ALCAM: variants seen among roughly 807,000 people sequenced by gnomAD.
ALCAM encodes the protein activated leukocyte cell adhesion molecule.
ALCAM carries 30 observed loss-of-function variants against 70.9 expected under a neutral mutation model. That is an observed-to-expected ratio of 0.42 (90% CI 0.32 to 0.57). The LOEUF is 0.57. Among genes scored for constraint, ALCAM ranks in the 20% least tolerant of loss-of-function variants. The probability of loss-of-function intolerance (pLI) is 0.11; values close to 1 mark genes in which losing one functional copy is unlikely to be tolerated. For synonymous variants in ALCAM, 249 were observed against 242.5 expected (o/e 1.03, Z -0.25); for missense variants, 591 against 695.1 (o/e 0.85, Z 1.68).
At chr3:105,395,464 C>T (rs973547358) in intron 1 of ALCAM, among the ~76,000 whole-genome samples, 15 of 151,942 alleles carry the variant, frequency 9.9e-5, no homozygotes, top group African/African-American at 3.6e-4. Context: ...TATGTATACT[C>T]ATGTGACATA....
chr3:105,415,888 G>T (rs1320861557), intron 1 of ALCAM, among the ~76,000 whole-genome samples: 1 of 151,980 alleles, frequency 6.6e-6, no homozygotes, highest in African/African-American at 2.4e-5. Flanking sequence ...AAAATATTTT[G>T]GGGCCTAAAG....
chr3:105,383,248 C>G (rs1030074833), intron 1 of ALCAM, among the ~76,000 whole-genome samples: 1 of 151,764 alleles, frequency 6.6e-6, no homozygotes, highest in African/African-American at 2.4e-5. Context: ...TCATTCTTCT[C>G]TCTCTCCCTT....
intron 1 of ALCAM, among the ~76,000 whole-genome samples, chr3:105,408,714 C>G (rs139125309): frequency 1.3e-5 from 2 of 152,130 alleles, no homozygotes; most frequent in African/African-American, 2.4e-5. Flanking sequence ...CTTAATTAAA[C>G]TAAAAAGCTT....
intron 1 of ALCAM, among the ~76,000 whole-genome samples, chr3:105,383,627 A>G (rs938710459): frequency 6.6e-6 from 1 of 151,714 alleles, no homozygotes; most frequent in Non-Finnish European, 1.5e-5. Flanking sequence ...TATTCTACCC[A>G]TGCTATGCAA....
intron 14 of ALCAM, among the ~76,000 whole-genome samples, chr3:105,555,958 G>A (rs959127330): frequency 1.3e-5 from 2 of 151,868 alleles, no homozygotes; most frequent in African/African-American, 4.8e-5. Context: ...TGTATGTAGG[G>A]TATTAACTAT....
chr3:105,512,879 C>T (rs879525912), intron 1 of ALCAM, among the ~76,000 whole-genome samples: 8 of 151,722 alleles, frequency 5.3e-5, no homozygotes, highest in East Asian at 1.9e-4. Context: ...AGTCAACTTT[C>T]GGAACTTCAG....
At chr3:105,502,080 A>G (rs1002904734) in intron 1 of ALCAM, among the ~76,000 whole-genome samples, 1 of 152,228 alleles carries the variant, frequency 6.6e-6, no homozygotes, top group Non-Finnish European at 1.5e-5. Context: ...TTGCCAGTCC[A>G]GGCATAAAAG....
At chr3:105,547,636 T>A in intron 11 of ALCAM, 113 bp downstream of exon 11, 1 of 1,376,308 alleles carries the variant, frequency 7.3e-7, no homozygotes, top group Non-Finnish European at 9.8e-7. Flanking sequence ...AGTGTGTAGG[T>A]TGGTTTGTTA....
chr3:105,386,550 G>A (rs1935660939), intron 1 of ALCAM, among the ~76,000 whole-genome samples: 1 of 151,278 alleles, frequency 6.6e-6, no homozygotes, highest in South Asian at 2.1e-4. Flanking sequence ...TGGGTCCCTA[G>A]CATTAGACCC....
At chr3:105,536,155 G>A (rs564064328) in intron 6 of ALCAM, among the ~76,000 whole-genome samples, 24 of 150,858 alleles carry the variant, frequency 1.6e-4, no homozygotes, top group African/African-American at 5.4e-4. Flanking sequence ...GTGCAGTGGC[G>A]TAATCTCAGC....
At chr3:105,512,907 T>C (rs1939275387) in intron 1 of ALCAM, among the ~76,000 whole-genome samples, 1 of 151,792 alleles carries the variant, frequency 6.6e-6, no homozygotes, top group African/African-American at 2.4e-5. Flanking sequence ...AAATTATTAA[T>C]TACATACATG....
chr3:105,368,264 A>AGAGAGAGAGAGAGAGAGAGAGAGAGAGG lies in ALCAM; in HGVS notation c.73+783_73+784insGAGAGAGAGAGAGAGAGAGAGAGAGAGG, dbSNP rs1559767087. On this transcript the variant is annotated intron_variant, in intron 1 of 15. Transcript: ENST00000306107. Reference sequence around the variant, plus strand: ...GAGAGAGAGAGAGAGAGAGAGAGAGAAAAGGCAAAATTCCCAACAACTAAA... The same window carrying AGAGAGAGAGAGAGAGAGAGAGAGAGAGG: ...GAGAGAGAGAGAGAGAGAGAGAGAGAGAGAGAGAGAGAGAGAGAGAGAGAGAGGAAAGGCAAAATTCCCAACAACTAAA... Among the ~76,000 whole-genome samples, 3 of 142,222 alleles carry AGAGAGAGAGAGAGAGAGAGAGAGAGAGG rather than the reference A, an allele frequency of 2.1e-5. 1 individual carries two copies. The highest frequency in any genetic ancestry group is 4.7e-5 in the Non-Finnish European group (3 of 63,494). The allele number at this position is 142,222 out of a possible 152,430, so 93.3% of individuals were successfully genotyped here.
In ALCAM at chr3:105,533,518, C is replaced by T. The variant is rs1436544374; in HGVS notation, c.460-85C>T. The T allele has an allele frequency of 3.5e-6, 4 of 1,127,096 alleles. No homozygotes were observed. In the Admixed American group the frequency reaches 7.1e-5, roughly 20 times the overall value. 69.8% of individuals were successfully genotyped at this position (1,127,096 alleles called of 1,614,324 possible). A position where few individuals can be genotyped will look rare whatever the true frequency, so the allele number is the denominator to read the frequency against. ...ACGGGTCAAGAAACCCTTGGAATAA[C>T]TCTGCATTGCCTGAGTTTCTGGAGT... On this transcript the variant is annotated intron_variant, in intron 4 of 15. Transcript: ENST00000306107.
intron 3 of ALCAM, among the ~76,000 whole-genome samples, chr3:105,526,281 T>C (rs1171034706): frequency 1.5e-5 from 2 of 135,420 alleles, no homozygotes; most frequent in African/African-American, 5.5e-5. Context: ...TTTCAAAACA[T>C]TTTGTAAAAA....
intron 1 of ALCAM, among the ~76,000 whole-genome samples, chr3:105,485,079 C>A (rs1255112183): frequency 1.3e-5 from 2 of 151,928 alleles, no homozygotes; most frequent in African/African-American, 4.8e-5. Context: ...TCTATCAAAT[C>A]TCGAATTATG....
chr3:105,448,698 G>A (rs745434791), intron 1 of ALCAM, among the ~76,000 whole-genome samples: 3 of 152,204 alleles, frequency 2.0e-5, no homozygotes, highest in African/African-American at 7.2e-5. Context: ...TTCAGATGCT[G>A]ACAAGGCAAT....
rs1249326522 is a variant in ALCAM, at chr3:105,367,195, G to A, written c.-214G>A. The A allele has an allele frequency of 3.2e-5, 18 of 565,462 alleles. No individual in the cohort carries two copies. The highest frequency in any genetic ancestry group is 5.7e-5 in the Non-Finnish European group (18 of 314,136). The allele number at this position is 565,462 out of a possible 1,614,324, so 35.0% of individuals were successfully genotyped here. A position where few individuals can be genotyped will look rare whatever the true frequency, so the allele number is the denominator to read the frequency against. On this transcript the variant is annotated 5_prime_UTR_variant, in exon 1 of 16. Coordinates refer to ENST00000306107, the MANE Select transcript of ALCAM (RefSeq NM_001627.4). ...AAGGGCCCGTGGGCTGGTGTTGACCGGGAGGGAGGAGGAGTTGGGGGCATT... is the reference window on the plus strand; with the variant it reads ...AAGGGCCCGTGGGCTGGTGTTGACCAGGAGGGAGGAGGAGTTGGGGGCATT...
chr3:105,391,987 G>A (rs942954405), intron 1 of ALCAM, among the ~76,000 whole-genome samples: 1 of 151,892 alleles, frequency 6.6e-6, no homozygotes, highest in Admixed American at 6.6e-5. Flanking sequence ...GTGTTTTATT[G>A]ATGATTTTTA....
Position 105,502,530 on chromosome 3 carries a change from C to G in ALCAM, c.74-17537C>G, listed in dbSNP as rs183764203. 7.2e-5 allele frequency among the ~76,000 whole-genome samples: 11 copies of G among 152,298 alleles called. No individual in the cohort carries two copies. The East Asian group carries it at 2.1e-3, about 29-fold the overall frequency. ...AATAGGAGAAAGGCCATCAGCCAGGCAGCTGCAGGTTAGACGGATGGATTG... is the reference window on the plus strand; with the variant it reads ...AATAGGAGAAAGGCCATCAGCCAGGGAGCTGCAGGTTAGACGGATGGATTG... On this transcript the variant is annotated intron_variant, in intron 1 of 15. Coordinates refer to ENST00000306107, the MANE Select transcript of ALCAM (RefSeq NM_001627.4).
Sources: allele counts gnomAD v4.1 joint callset (sites outside exome capture counted in the v4.1 genomes callset), GRCh38; gene constraint gnomAD v4.1.1; transcripts MANE v1.5; gene names NCBI Gene and HGNC (gene_info 2026-07-23, HGNC 2026-07-21).